Variants in FGF13 observed in about 807,000 individuals in gnomAD.
FGF13 encodes the protein fibroblast growth factor homologous factor 2.
Under a neutral mutation model 19.5 loss-of-function variants are expected in FGF13, and 2 were observed. The observed-to-expected ratio is 0.10, with a 90% CI of 0.04 to 0.32. FGF13 has a LOEUF of 0.32. Among genes scored for constraint, FGF13 ranks in the 10% least tolerant of loss-of-function variants. The pLI is 1.00. For missense variants in FGF13, 113 were observed against 192.7 expected, an observed-to-expected ratio of 0.59 and a Z score of 2.45; for synonymous variants, 72 against 76.9, an observed-to-expected ratio of 0.94 and a Z score of 0.33.
intron 1 of FGF13, among the ~76,000 whole-genome samples, chrX:139,153,821 T>TTTGGAC (rs200120283): frequency 0.097 from 10,657 of 110,143 alleles, 1,068 homozygotes; most frequent in African/African-American, 0.3. Flanking sequence ...TAGAGGAAAA[T>TTTGGAC]TTGGACATAG....
chrX:138,963,105 C>T (rs1298354005), intron 1 of FGF13, among the ~76,000 whole-genome samples: 1 of 112,758 alleles, frequency 8.9e-6, no homozygotes, highest in African/African-American at 3.2e-5. Context: ...GATTAGGAGA[C>T]TGTCCCAAAT....
intron 1 of FGF13, chrX:138,739,152 A>G (rs1217241457): frequency 3.6e-6 from 2 of 561,927 alleles, no homozygotes; most frequent in Non-Finnish European, 6.1e-6. Flanking sequence ...GATCCCTGGT[A>G]TAATTTTGTT....
At chrX:139,144,877 T>G (rs1281579784) in intron 1 of FGF13, among the ~76,000 whole-genome samples, 1 of 111,567 alleles carries the variant, frequency 9.0e-6, no homozygotes, top group East Asian at 2.8e-4. Context: ...CAAAAAATTT[T>G]TAAATATTCA....
At chrX:139,087,204 G>A (rs2083410218) in intron 1 of FGF13, among the ~76,000 whole-genome samples, 2 of 110,891 alleles carry the variant, frequency 1.8e-5, no homozygotes, top group South Asian at 7.6e-4. Context: ...GCTGAGGCAG[G>A]AGAATCGCTT....
chrX:138,725,211 A>G (rs1416332890), intron 1 of FGF13, among the ~76,000 whole-genome samples: 1 of 111,531 alleles, frequency 9.0e-6, no homozygotes, highest in Non-Finnish European at 1.9e-5. Flanking sequence ...TGGGGAAATA[A>G]GTAATGCGGT....
intron 1 of FGF13, among the ~76,000 whole-genome samples, chrX:138,921,795 G>C (rs1406918050): frequency 1.8e-5 from 2 of 109,928 alleles, no homozygotes; most frequent in Non-Finnish European, 3.8e-5. Flanking sequence ...TTTTCCACAA[G>C]AGATATCTGA....
At chrX:138,984,573 AAGAAGAAGAAGAAGAAGG>A (rs2091981581) in intron 1 of FGF13, among the ~76,000 whole-genome samples, 1 of 53,508 alleles carries the variant, frequency 1.9e-5, no homozygotes, top group African/African-American at 7.1e-5. Flanking sequence ...GAAGAAGAAG[AAGAAGAAGAAGAAGAAGG>A]AGGAGGAGGA....
intron 1 of FGF13, among the ~76,000 whole-genome samples, chrX:139,003,773 A>G (rs1328348138): frequency 1.8e-5 from 2 of 108,541 alleles, no homozygotes; most frequent in Non-Finnish European, 3.8e-5. Flanking sequence ...CGATTGGTGT[A>G]TTTACAATCC....
At chrX:138,998,957 T>C (rs751552596) in intron 1 of FGF13, among the ~76,000 whole-genome samples, 1 of 112,119 alleles carries the variant, frequency 8.9e-6, no homozygotes, top group South Asian at 3.7e-4. Flanking sequence ...TCAGCAAATG[T>C]AAAAGAAGAG....
intron 3 of FGF13, among the ~76,000 whole-genome samples, chrX:138,818,631 A>G (rs2090978242): frequency 1.8e-5 from 2 of 109,600 alleles, no homozygotes; most frequent in Non-Finnish European, 3.8e-5. Context: ...AAATTTAGAG[A>G]TTTGCTCACA....
chrX:138,850,142 G>A (rs952699471), intron 3 of FGF13, among the ~76,000 whole-genome samples: 9 of 111,469 alleles, frequency 8.1e-5, no homozygotes, highest in African/African-American at 2.9e-4. Flanking sequence ...AAGAACGAAC[G>A]GTTATTAGTT....
chrX:138,695,554 T>C (rs1262968965), intron 3 of FGF13, among the ~76,000 whole-genome samples: 5 of 111,823 alleles, frequency 4.5e-5, no homozygotes, highest in Non-Finnish European at 7.5e-5. Flanking sequence ...CCAGGGTACA[T>C]ACTCTCAAAT....
At chrX:138,734,920 G>A (rs1163849170) in intron 1 of FGF13, among the ~76,000 whole-genome samples, 2 of 111,478 alleles carry the variant, frequency 1.8e-5, no homozygotes, top group Non-Finnish European at 3.8e-5. Context: ...CCTCTAGGAG[G>A]CAATTGGATT....
rs2090854984 is a variant in FGF13 at position 138,804,914 on chromosome X, T to A, written c.217+52598A>T. 2.7e-5 allele frequency among the ~76,000 whole-genome samples: 3 copies of A among 111,881 alleles called. No homozygotes were observed. The South Asian group carries it at 1.1e-3, about 41-fold the overall frequency. ...TATAACTTCATTTCAGAATGTGGGG[T>A]CTAAAAGATCCCATCTTATTTTAAA... On this transcript the variant is annotated intron_variant, in intron 3 of 6. Transcript: ENST00000436198.
At chrX:138,853,217 C>T (rs1159171061), downstream of FGF13, among the ~76,000 whole-genome samples, 1 of 111,259 alleles carries the variant, frequency 9.0e-6, no homozygotes, top group Admixed American at 9.6e-5. Context: ...ACATTTTTCT[C>T]GAAAGGAAAA....
chrX:138,737,933 T>A (rs1469686941), intron 1 of FGF13, among the ~76,000 whole-genome samples: 1 of 112,644 alleles, frequency 8.9e-6, no homozygotes, highest in African/African-American at 3.2e-5. Context: ...GTTGAACTAA[T>A]CTCACAAATT....
downstream of FGF13, among the ~76,000 whole-genome samples, chrX:138,853,628 T>C (rs1237330202): frequency 1.8e-5 from 2 of 109,086 alleles, no homozygotes; most frequent in Admixed American, 9.9e-5. Flanking sequence ...TGCGTGTGTG[T>C]GTGTGTGTGT....
intron 1 of FGF13, among the ~76,000 whole-genome samples, chrX:139,087,251 G>A (rs1471246087): frequency 9.1e-6 from 1 of 109,970 alleles, no homozygotes; most frequent in Admixed American, 9.7e-5. Context: ...AGCCGAGATC[G>A]CGCCATTGCA....
intron 1 of FGF13, among the ~76,000 whole-genome samples, chrX:139,020,795 C>T (rs985941037): frequency 9.0e-6 from 1 of 111,219 alleles, no homozygotes; most frequent in Non-Finnish European, 1.9e-5. Flanking sequence ...TTTATTGCAT[C>T]CCAAGGTTCA....
Sources: gnomAD v4.1 joint callset for allele counts (sites outside exome capture counted in the v4.1 genomes callset) on GRCh38, gnomAD v4.1.1 for gene constraint, MANE v1.5 for transcripts, NCBI Gene and HGNC (gene_info 2026-07-23, HGNC 2026-07-21) for gene names.